ZNF626: variants seen among roughly 807,000 people sequenced by gnomAD.
ZNF626 encodes the protein zinc finger protein 626.
A neutral mutation model predicts 11.7 loss-of-function variants in ZNF626; 4 were observed. The observed-to-expected ratio is 0.34, with a 90% CI of 0.17 to 0.78. The LOEUF is 0.78. Among genes scored for constraint, ZNF626 ranks in the 30% least tolerant of loss-of-function variants. The pLI, the probability that ZNF626 is intolerant of heterozygous loss-of-function variation, is 0.57. For synonymous variants in ZNF626, 179 were observed against 198.6 expected, an observed-to-expected ratio of 0.90 and a Z score of 0.83; for missense variants, 588 against 587.1, an observed-to-expected ratio of 1.00 and a Z score of -0.01.
At chr19:20,636,447 A>G (rs1221938768) in intron 3 of ZNF626, among the ~76,000 whole-genome samples, 1 of 152,022 alleles carries the variant, frequency 6.6e-6, no homozygotes, top group Admixed American at 6.6e-5. Flanking sequence ...ATAACACAAA[A>G]TATTAAATTA....
chr19:20,629,489 G>C (rs1444232867), intron 3 of ZNF626, among the ~76,000 whole-genome samples: 2 of 152,248 alleles, frequency 1.3e-5, no homozygotes, highest in Non-Finnish European at 2.9e-5. Context: ...CCTTGAAGAG[G>C]TCCTTCACAT....
chr19:20,625,353 T>C lies in ZNF626; in HGVS notation c.524A>G (p.Tyr175Cys), dbSNP rs781923629. The C allele has an allele frequency of 3.1e-6, 5 of 1,614,056 alleles. No homozygotes were observed. Among genetic ancestry groups the C allele is most frequent in the East Asian group, 4.5e-5 (2 of 44,870 alleles). Residue 175 changes from tyrosine (Y) to cysteine (C), a missense_variant, in exon 4 of 4, where the codon TAT becomes TGT. Tyr to Cys is a radical substitution (Grantham distance 194). Around this residue, in one of 4 missense-constraint regions of ZNF626, gnomAD observed 524 missense variants for 470.1 expected, o/e 1.11. Coordinates refer to ENST00000601440, the MANE Select transcript of ZNF626 (RefSeq NM_001076675.3). ...CTTAAAAGCTTTGCCACATTCTATA[T>C]ATTTGAAAGGTTTTTTCCCAGTATG... ...RGHTGKKPFK[Y>C]IECGKAFKQF...
rs782079210 is a variant in ZNF626, at chr19:20,625,458, G to T, written c.419C>A (p.Thr140Asn). 6.2e-7 allele frequency: 1 copy of T among 1,613,932 alleles called. No individual in the cohort carries two copies. The highest frequency in any genetic ancestry group is 1.3e-5 in the African/African-American group (1 of 74,916). Reference sequence around the variant, plus strand: ...ATCACATTGACATATTTTTCTTGGGGTAGTTGTCAAACATTGGTTAAGTTC... The same window carrying T: ...ATCACATTGACATATTTTTCTTGGGTTAGTTGTCAAACATTGGTTAAGTTC... ...YNELNQCLTTTPRKICQCDKY... is the reference protein window; with the variant it reads ...YNELNQCLTTNPRKICQCDKY... Residue 140 changes from threonine to asparagine, a missense_variant, in exon 4 of 4, where the codon ACC (threonine) becomes AAC (asparagine). Physicochemically the swap from Thr to Asn is moderately conservative, Grantham distance 65 (BLOSUM62 0). Transcript: ENST00000601440.
At chr19:20,658,537 T>C (rs1157075027) in intron 1 of ZNF626, among the ~76,000 whole-genome samples, 6 of 152,166 alleles carry the variant, frequency 3.9e-5, no homozygotes, top group African/African-American at 1.4e-4. Flanking sequence ...TTCAGTCTTC[T>C]GTCACCCTGG....
At chr19:20,630,062 T>C (rs1324174352) in intron 3 of ZNF626, among the ~76,000 whole-genome samples, 2 of 152,204 alleles carry the variant, frequency 1.3e-5, no homozygotes, top group Non-Finnish European at 2.9e-5. Context: ...TTTGGTTCTG[T>C]TTATATGCTG....
chr19:20,645,249 C>CA (rs566213853), intron 3 of ZNF626: 346 of 1,395,386 alleles, frequency 2.5e-4, no homozygotes, highest in South Asian at 9.1e-4. Flanking sequence ...GAAAAATGAA[C>CA]AAAAAAAAAT....
chr19:20,649,317 G>A (rs1327196453), intron 1 of ZNF626, among the ~76,000 whole-genome samples: 1 of 152,158 alleles, frequency 6.6e-6, no homozygotes, highest in Non-Finnish European at 1.5e-5. Flanking sequence ...CAGGAACAAT[G>A]AGCTGCTCCA....
intron 1 of ZNF626, among the ~76,000 whole-genome samples, chr19:20,654,280 A>C (rs1349805573): frequency 6.6e-6 from 1 of 152,050 alleles, no homozygotes; most frequent in Non-Finnish European, 1.5e-5. Flanking sequence ...CTCTACAAAA[A>C]CCATATAAAA....
Position 20,624,217 on chromosome 19 carries a change from G to A in ZNF626, c.*73C>T, listed in dbSNP as rs782038969. ...TTTTCCAGTATGAATTTTCTTATGT[G>A]TAGTAAGGTTAGAGAAATGCTTAAA... On this transcript the variant is annotated 3_prime_UTR_variant, in exon 4 of 4. Transcript: ENST00000601440. The A allele has an allele frequency of 1.9e-6, 3 of 1,608,550 alleles. No homozygotes were observed. The highest frequency in any genetic ancestry group is 2.6e-6 in the Non-Finnish European group (3 of 1,176,322).
chr19:20,631,867 C>T (rs1555770382), intron 3 of ZNF626, among the ~76,000 whole-genome samples: 2 of 151,858 alleles, frequency 1.3e-5, no homozygotes, highest in South Asian at 2.1e-4. Context: ...TTAGTTCATG[C>T]AGTTTCTTCC....
chr19:20,655,072 A>G (rs1017142881), intron 1 of ZNF626, among the ~76,000 whole-genome samples: 2 of 151,530 alleles, frequency 1.3e-5, no homozygotes, highest in Non-Finnish European at 2.9e-5. Context: ...AGATCACACA[A>G]CTGCACTCCA....
At chr19:20,650,164 T>G (rs1970130298) in intron 1 of ZNF626, among the ~76,000 whole-genome samples, 1 of 152,110 alleles carries the variant, frequency 6.6e-6, no homozygotes, top group Non-Finnish European at 1.5e-5. Context: ...GAGCCGGTAC[T>G]AAGTGTATGA....
chr19:20,632,531 ATTCAT>A (rs1371740697), intron 3 of ZNF626, among the ~76,000 whole-genome samples: 1 of 151,898 alleles, frequency 6.6e-6, no homozygotes, highest in Non-Finnish European at 1.5e-5. Context: ...GCTTCATTTC[ATTCAT>A]TTCATTTTCC....
intron 3 of ZNF626, among the ~76,000 whole-genome samples, chr19:20,636,940 G>A (rs544429426): frequency 7.1e-6 from 1 of 141,636 alleles, no homozygotes; most frequent in Non-Finnish European, 1.5e-5. Flanking sequence ...AGAATTTCTT[G>A]AATCAAGGAG....
intron 3 of ZNF626, chr19:20,645,261 C>G (rs1195546326): frequency 2.7e-5 from 39 of 1,423,764 alleles, no homozygotes; most frequent in Non-Finnish European, 3.3e-5. Context: ...AAAAAAAATT[C>G]AACAGAAACT....
chr19:20,659,321 CCT>C (rs1311416792), intron 1 of ZNF626, among the ~76,000 whole-genome samples: 4 of 152,076 alleles, frequency 2.6e-5, no homozygotes, highest in South Asian at 2.1e-4. Context: ...CTCACTGCAA[CCT>C]CTGTCTCCAT....
At position 20,624,237 on chromosome 19, in the gene ZNF626, C is replaced by T. The variant is rs1555769125; in HGVS notation, c.*53G>A. The T allele has an allele frequency of 6.2e-7, 1 of 1,612,176 alleles. No homozygotes were observed. The highest frequency in any genetic ancestry group is 2.2e-5 in the East Asian group (1 of 44,792). On this transcript the variant is annotated 3_prime_UTR_variant, in exon 4 of 4. Transcript: ENST00000601440. ...TATGTGTAGTAAGGTTAGAGAAATGCTTAAAAGCTTTGTCACATTCTTCAC... is the reference window on the plus strand; with the variant it reads ...TATGTGTAGTAAGGTTAGAGAAATGTTTAAAAGCTTTGTCACATTCTTCAC...
chr19:20,624,153 C>T lies in ZNF626; in HGVS notation c.*137G>A. The T allele has an allele frequency of 7.1e-7, 1 of 1,412,940 alleles. No individual in the cohort carries two copies. The highest frequency in any genetic ancestry group is 1.0e-6 in the Non-Finnish European group (1 of 999,912). 87.5% of individuals were successfully genotyped at this position (1,412,940 alleles called of 1,614,324 possible). On this transcript the variant is annotated 3_prime_UTR_variant, in exon 4 of 4. Coordinates refer to ENST00000601440, the MANE Select transcript of ZNF626 (RefSeq NM_001076675.3). ...TATGTGTAGTAAGTTTAGAGGAGTGCTTAAAGGCTTTGCCACATTCTTCAC... is the reference window on the plus strand; with the variant it reads ...TATGTGTAGTAAGTTTAGAGGAGTGTTTAAAGGCTTTGCCACATTCTTCAC...
intron 3 of ZNF626, among the ~76,000 whole-genome samples, chr19:20,634,170 T>C (rs1242825694): frequency 2.6e-5 from 4 of 152,104 alleles, no homozygotes; most frequent in Non-Finnish European, 4.4e-5. Context: ...ATAAAGCAAA[T>C]ACTAACAAAA....
Sources: allele counts gnomAD v4.1 joint callset (sites outside exome capture counted in the v4.1 genomes callset), GRCh38; gene constraint gnomAD v4.1.1; regional missense constraint gnomAD v4.1.1; transcripts MANE v1.5; gene names NCBI Gene and HGNC (gene_info 2026-07-23, HGNC 2026-07-21).